The following MARK4 variants were observed in gnomAD, a reference collection of about 807,000 sequenced individuals.
MARK4 encodes MAP/microtubule affinity-regulating kinase 4.
Under a neutral mutation model 81.5 loss-of-function variants are expected in MARK4, and 19 were observed. That is an observed-to-expected ratio of 0.23 (90% CI 0.16 to 0.34). The LOEUF (loss-of-function observed/expected upper bound fraction) is 0.34. Among genes scored for constraint, MARK4 ranks in the 10% least tolerant of loss-of-function variants. The pLI is 1.00. For synonymous variants in MARK4, 436 were observed against 439.0 expected (o/e 0.99, Z 0.08); for missense variants, 772 against 1,058.8 (o/e 0.73, Z 3.76).
intron 8 of MARK4, among the ~76,000 whole-genome samples, chr19:45,276,013 C>T (rs913593104): frequency 2.0e-5 from 3 of 152,008 alleles, no homozygotes; most frequent in African/African-American, 7.2e-5. Flanking sequence ...CTGTTTTCTG[C>T]CTCCCTTCGT....
chr19:45,292,330 C>T (rs753286520), intron 13 of MARK4, among the ~76,000 whole-genome samples: 10 of 152,156 alleles, frequency 6.6e-5, no homozygotes, highest in African/African-American at 1.4e-4. Flanking sequence ...TCTGAAGCCA[C>T]GTAGAGTTTG....
chr19:45,251,544 C>CG lies in MARK4; in HGVS notation c.-44dup. On this transcript the variant is annotated 5_prime_UTR_variant, in exon 1 of 17. Coordinates refer to ENST00000262891, the MANE Select transcript of MARK4 (RefSeq NM_001199867.2). ...GGAAGAGAGGGGACCCTGGGACCCC[C>CG]GCCCCCCCCACCCGGCCGCCCCTGC... 5.1e-6 allele frequency: 2 copies of CG among 389,974 alleles called. No homozygotes were observed. Among genetic ancestry groups the CG allele is most frequent in the Non-Finnish European group, 9.4e-6 (2 of 212,332 alleles). The allele number at this position is 389,974 out of a possible 1,614,324, so 24.2% of individuals were successfully genotyped here.
intron 6 of MARK4, among the ~76,000 whole-genome samples, chr19:45,265,923 G>A (rs1872260): frequency 0.23 from 35,060 of 151,918 alleles, 4,352 homozygotes; most frequent in Non-Finnish European, 0.29. Flanking sequence ...GAGTTGGGGC[G>A]GCCTGTCTAT....
chr19:45,282,924 C>T (rs545476902), intron 12 of MARK4, among the ~76,000 whole-genome samples: 27 of 151,412 alleles, frequency 1.8e-4, no homozygotes, highest in Admixed American at 1.1e-3. Flanking sequence ...CCCAGGAGAT[C>T]GAGGTCGTGG....
chr19:45,263,086 G>A (rs775522696), intron 2 of MARK4, 27 bp from the exon 3 acceptor site: 16 of 1,591,950 alleles, frequency 1.0e-5, no homozygotes, highest in African/African-American at 2.7e-5. Flanking sequence ...CACCTTGACC[G>A]TCCCTCCTCC....
At chr19:45,268,373 C>G (rs1178801035) in intron 7 of MARK4, among the ~76,000 whole-genome samples, 1 of 151,988 alleles carries the variant, frequency 6.6e-6, no homozygotes, top group South Asian at 2.1e-4. Flanking sequence ...CACTGGAGGC[C>G]AGGAGTTCAA....
intron 12 of MARK4, among the ~76,000 whole-genome samples, chr19:45,285,042 G>A (rs1481162190): frequency 2.0e-5 from 3 of 152,086 alleles, no homozygotes; most frequent in South Asian, 2.1e-4. Flanking sequence ...AGTGAGCCGA[G>A]ATTGTGCCAT....
Position 45,251,614 on chromosome 19 carries a change from C to T in MARK4, c.26C>T (p.Pro9Leu), listed in dbSNP as rs765601545. Residue 9 changes from proline to leucine, a missense_variant, in exon 1 of 17, where the codon CCG becomes CTG. Physicochemically the swap from Pro to Leu is moderately conservative, Grantham distance 98 (BLOSUM62 -3). Transcript: ENST00000262891. ...ATGTCTTCGCGGACGGTGCTGGCCC[C>T]GGGCAACGATCGGAACTCGGACACG... MSSRTVLA[P>L]GNDRNSDTHG... 4 of 1,498,612 alleles carry T rather than the reference C, an allele frequency of 2.7e-6. No individual in the cohort carries two copies. The highest frequency in any genetic ancestry group is 3.5e-6 in the Non-Finnish European group (4 of 1,129,512). The allele number at this position is 1,498,612 out of a possible 1,614,324, so 92.8% of individuals were successfully genotyped here.
In MARK4 at chr19:45,255,202, C is replaced by CAA. The variant is rs764108800; in HGVS notation, c.51+3576_51+3577dup. ...TGGGTAACAGAGCAAGGCCCTGTCT[C>CAA]AAAAAAAAAAAAAAGGTTCAGGTGT... On this transcript the variant is annotated intron_variant, in intron 1 of 16. Transcript: ENST00000262891. Among the ~76,000 whole-genome samples the CAA allele has an allele frequency of 5.7e-3, 728 of 127,618 alleles. 13 individuals are homozygous for CAA. Among genetic ancestry groups the CAA allele is most frequent in the African/African-American group, 0.02 (682 of 34,556 alleles). The allele number at this position is 127,618 out of a possible 152,430, so 83.7% of individuals were successfully genotyped here.
chr19:45,258,926 A>C (rs1970344080), intron 1 of MARK4, 63 bp from the exon 2 acceptor site: 6 of 1,561,604 alleles, frequency 3.8e-6, no homozygotes, highest in Admixed American at 1.8e-5. Flanking sequence ...AGTTAAGTGC[A>C]CTAGCCCACG....
chr19:45,278,446 G>A lies in MARK4; in HGVS notation c.907-70G>A, dbSNP rs573992011. ...TTAGGCCTCGGAGGTTTGGGGCAGG[G>A]CAGAAGCTGTATGATTTCTGGTTCC... On this transcript the variant is annotated intron_variant, in intron 9 of 16. Transcript: ENST00000262891. The A allele has an allele frequency of 5.1e-6, 7 of 1,373,352 alleles. No homozygotes were observed. The Admixed American group carries it at 6.7e-5, about 13-fold the overall frequency. The allele number at this position is 1,373,352 out of a possible 1,614,324, so 85.1% of individuals were successfully genotyped here.
Position 45,251,654 on chromosome 19 carries a change from GC to G in MARK4, c.51+19del. 3 of 1,515,330 alleles carry G rather than the reference GC, an allele frequency of 2.0e-6. No individual in the cohort carries two copies. The highest frequency in any genetic ancestry group is 2.6e-6 in the Non-Finnish European group (3 of 1,134,030). The allele number at this position is 1,515,330 out of a possible 1,614,324, so 93.9% of individuals were successfully genotyped here. The stretch of plus-strand genomic sequence containing the variant: ...ACTCGGACACGGTGAGTGGGGCCCG[GC>G]CCCTTGGGGAGCCCTGGCTGGGTCC... On this transcript the variant is annotated intron_variant, in intron 1 of 16. Transcript: ENST00000262891.
In MARK4 at chr19:45,271,469, C is replaced by G; in HGVS notation, c.550-3C>G. The G allele has an allele frequency of 6.2e-7, 1 of 1,613,756 alleles. No homozygotes were observed. Among genetic ancestry groups the G allele is most frequent in the Non-Finnish European group, 8.5e-7 (1 of 1,179,698 alleles). ...TTTCCGCCCTCTCCTTCTCTCCCTG[C>G]AGGCTGAGAACCTCTTGCTGGATGC... On this transcript the variant is annotated splice_region_variant and splice_polypyrimidine_tract_variant and intron_variant, in intron 7 of 16. Coordinates refer to ENST00000262891, the MANE Select transcript of MARK4 (RefSeq NM_001199867.2). This position sits in a 1 kb window ranked among gnomAD's most constrained non-coding sequence, Gnocchi z 4.1.
chr19:45,255,413 T>C (rs1470125632), intron 1 of MARK4, among the ~76,000 whole-genome samples: 4 of 151,706 alleles, frequency 2.6e-5, no homozygotes, highest in Admixed American at 1.3e-4. Flanking sequence ...ATACAAAAAT[T>C]AGACGGTTGT....
At chr19:45,279,423 A>T (rs958194840) in intron 10 of MARK4, among the ~76,000 whole-genome samples, 1 of 152,194 alleles carries the variant, frequency 6.6e-6, no homozygotes, top group Non-Finnish European at 1.5e-5. Flanking sequence ...AGGCTGAGGC[A>T]CGAGAATTGC....
At chr19:45,283,591 C>T (rs996918595) in intron 12 of MARK4, among the ~76,000 whole-genome samples, 5 of 152,136 alleles carry the variant, frequency 3.3e-5, no homozygotes, top group African/African-American at 1.2e-4. Flanking sequence ...CAAGGTTCAT[C>T]CATGATATGG....
chr19:45,287,850 T>C, intron 13 of MARK4, 186 bp downstream of exon 13: 3 of 689,516 alleles, frequency 4.4e-6, no homozygotes, highest in Non-Finnish European at 7.8e-6. Context: ...ACACTAACAT[T>C]TGATGTTAGC....
At position 45,284,208 on chromosome 19, in the gene MARK4, G is replaced by A. The variant is rs539007511; in HGVS notation, c.1277-3239G>A. 4.6e-5 allele frequency among the ~76,000 whole-genome samples: 7 copies of A among 152,096 alleles called. No homozygotes were observed. In the South Asian group the frequency reaches 6.2e-4, roughly 14 times the overall value. ...TTTTTAGTAGAGACAGGGTTTCACCGTGTTGGCCTGGCTGGTCTTGAATTC... is the reference window on the plus strand; with the variant it reads ...TTTTTAGTAGAGACAGGGTTTCACCATGTTGGCCTGGCTGGTCTTGAATTC... On this transcript the variant is annotated intron_variant, in intron 12 of 16. Coordinates refer to ENST00000262891, the MANE Select transcript of MARK4 (RefSeq NM_001199867.2).
rs1300939691 is a variant in MARK4 at position 45,263,753 on chromosome 19, A to G, written c.355+386A>G. Among the ~76,000 whole-genome samples, 5 of 151,726 alleles carry G rather than the reference A, an allele frequency of 3.3e-5. No individual in the cohort carries two copies. In the East Asian group the frequency reaches 5.8e-4, roughly 18 times the overall value. On this transcript the variant is annotated intron_variant, in intron 4 of 16. Transcript: ENST00000262891. ...CGAGACTTCATCTCAAAAAAAAAAA[A>G]AAAAGAAAAAGTTAGAGACCTGGTT... is the stretch of plus-strand genomic sequence containing the variant.
Sources: gnomAD v4.1 joint callset for allele counts (sites outside exome capture counted in the v4.1 genomes callset) on GRCh38, gnomAD v4.1.1 for gene constraint, Gnocchi (gnomAD v3.1) non-coding constraint, MANE v1.5 for transcripts, NCBI Gene and HGNC (gene_info 2026-07-23, HGNC 2026-07-21) for gene names.